Variants in CDC73 observed in about 807,000 individuals in gnomAD.
The protein encoded by CDC73 is cell division cycle 73.
A neutral mutation model predicts 83.7 loss-of-function variants in CDC73; 21 were observed. That is an observed-to-expected ratio of 0.25 (90% CI 0.18 to 0.36). CDC73 has a LOEUF of 0.36. CDC73 is among the 10% of genes least tolerant of loss of function. CDC73 has a pLI of 1.00. For synonymous variants in CDC73, 224 were observed against 212.9 expected (o/e 1.05, Z -0.45); for missense variants, 342 against 653.3 (o/e 0.52, Z 5.19).
intron 6 of CDC73, among the ~76,000 whole-genome samples, chr1:193,138,958 A>G (rs1013560611): frequency 6.6e-6 from 1 of 150,742 alleles, no homozygotes; most frequent in Admixed American, 6.6e-5. Flanking sequence ...TACTTTTAGT[A>G]GAGATGATGT....
At chr1:193,246,634 A>T (rs1425598898) in intron 15 of CDC73, among the ~76,000 whole-genome samples, 1 of 152,000 alleles carries the variant, frequency 6.6e-6, no homozygotes, top group Non-Finnish European at 1.5e-5. Flanking sequence ...TCTCTTCATC[A>T]TTTCTTACCA....
Position 193,251,388 on chromosome 1 carries a change from T to C in CDC73, c.*676T>C. On this transcript the variant is annotated 3_prime_UTR_variant, in exon 17 of 17. Transcript: ENST00000367435. ...GATGTGTTTCTATCTGTAATATCTT[T>C]CCATTTGAAAAAAATCTCAAAACAC... The C allele has an allele frequency of 8.6e-6, 2 of 232,074 alleles. No homozygotes were observed. The highest frequency in any genetic ancestry group is 1.7e-5 in the Non-Finnish European group (2 of 116,996). 14.4% of individuals were successfully genotyped at this position (232,074 alleles called of 1,614,324 possible).
intron 5 of CDC73, 29 bp downstream of exon 5, chr1:193,135,618 A>G (rs748367546): frequency 1.3e-6 from 2 of 1,508,538 alleles, no homozygotes; most frequent in Non-Finnish European, 9.1e-7. Context: ...AAACAATTTT[A>G]TTTATATTGT....
chr1:193,205,111 C>G (rs1677163590), intron 11 of CDC73, among the ~76,000 whole-genome samples: 1 of 129,554 alleles, frequency 7.7e-6, no homozygotes, highest in Non-Finnish European at 1.6e-5. Flanking sequence ...TATTTTTGGT[C>G]TTTTGGGTTT....
In CDC73 at chr1:193,203,265, A is replaced by T. The variant is rs531880311; in HGVS notation, c.973-530A>T. Among the ~76,000 whole-genome samples the T allele has an allele frequency of 1.9e-4, 29 of 152,232 alleles. 1 individual carries two copies. The South Asian group carries it at 5.8e-3, about 30-fold the overall frequency. On this transcript the variant is annotated intron_variant, in intron 10 of 16. Coordinates refer to ENST00000367435, the MANE Select transcript of CDC73 (RefSeq NM_024529.5). ...TTTTAAGATACTCTCATCTGCTCTT[A>T]ATTCAAATGTAACATCTCTTCTTTA...
rs544667235 is a variant in CDC73, at chr1:193,194,744, G to A, written c.973-9051G>A. Among the ~76,000 whole-genome samples the A allele has an allele frequency of 2.0e-4, 31 of 152,092 alleles. No homozygotes were observed. The South Asian group carries it at 6.0e-3, about 29-fold the overall frequency. On this transcript the variant is annotated intron_variant, in intron 10 of 16. Transcript: ENST00000367435. ...ATGTCATTTTTTAATCAGTAGGTAC[G>A]TAAATGAAAAAAGTTTTTCTAATAT...
At chr1:193,136,130 G>A (rs1366191295) in intron 5 of CDC73, among the ~76,000 whole-genome samples, 5 of 151,920 alleles carry the variant, frequency 3.3e-5, no homozygotes, top group South Asian at 2.1e-4. Context: ...AATATTTTAG[G>A]CCTTATGGGC....
intron 13 of CDC73, among the ~76,000 whole-genome samples, chr1:193,222,109 A>T (rs879472294): frequency 6.6e-6 from 1 of 152,226 alleles, no homozygotes; most frequent in Non-Finnish European, 1.5e-5. Context: ...GAAGTATTTT[A>T]AAAAATACAC....
At chr1:193,216,692 A>G (rs762279610) in intron 13 of CDC73, among the ~76,000 whole-genome samples, 1 of 152,162 alleles carries the variant, frequency 6.6e-6, no homozygotes, top group Non-Finnish European at 1.5e-5. Flanking sequence ...AGATGCAAAA[A>G]TCAACAAAGT....
chr1:193,175,506 A>G (rs1002329833), intron 10 of CDC73, among the ~76,000 whole-genome samples: 1 of 152,224 alleles, frequency 6.6e-6, no homozygotes. Flanking sequence ...TGGGTTCCAC[A>G]TCCGTAGATT....
At chr1:193,234,897 A>AT (rs1252502394) in intron 14 of CDC73, among the ~76,000 whole-genome samples, 3 of 7,934 alleles carry the variant, frequency 3.8e-4, no homozygotes, top group South Asian at 0.01. Flanking sequence ...AGTCTCAGAG[A>AT]TTTTTTTTAA....
chr1:193,183,449 T>TATA (rs1189163237), intron 10 of CDC73, among the ~76,000 whole-genome samples: 1 of 148,956 alleles, frequency 6.7e-6, no homozygotes, highest in Admixed American at 6.8e-5. Context: ...TTTGTTTATA[T>TATA]GAATTTAAAC....
chr1:193,230,610 C>G (rs1357808138), intron 13 of CDC73, among the ~76,000 whole-genome samples: 1 of 151,892 alleles, frequency 6.6e-6, no homozygotes, highest in African/African-American at 2.4e-5. Context: ...GCAGCCCAAG[C>G]CAGAAGAAAT....
chr1:193,151,268 A>G (rs781053275), intron 9 of CDC73, among the ~76,000 whole-genome samples: 2 of 152,218 alleles, frequency 1.3e-5, no homozygotes, highest in African/African-American at 4.8e-5. Context: ...CCTTGATGCA[A>G]TGAATTTTGT....
intron 14 of CDC73, among the ~76,000 whole-genome samples, chr1:193,235,683 A>G (rs1328155523): frequency 6.6e-6 from 1 of 152,190 alleles, no homozygotes; most frequent in East Asian, 1.9e-4. Flanking sequence ...ATTTAGGGTG[A>G]ATGAAACAGT....
chr1:193,254,239 G>A lies in CDC73; in HGVS notation c.*3527G>A, dbSNP rs1678095781. ...GGTTTGTCTGGTTAAAGTCCATATAGAATGCTGAGAAATAATTTATAAAAT... is the reference window on the plus strand; with the variant it reads ...GGTTTGTCTGGTTAAAGTCCATATAAAATGCTGAGAAATAATTTATAAAAT... On this transcript the variant is annotated 3_prime_UTR_variant, in exon 17 of 17. Transcript: ENST00000367435. Among the ~76,000 whole-genome samples the A allele has an allele frequency of 1.3e-5, 2 of 151,864 alleles. No homozygotes were observed. Among genetic ancestry groups the A allele is most frequent in the South Asian group, 2.1e-4 (1 of 4,820 alleles).
intron 7 of CDC73, among the ~76,000 whole-genome samples, chr1:193,146,701 A>C (rs1676006594): frequency 6.6e-6 from 1 of 152,244 alleles, no homozygotes; most frequent in Admixed American, 6.5e-5. Flanking sequence ...GTTTTAGAGG[A>C]GACATTCAAT....
chr1:193,219,441 CTT>C (rs1426619800), intron 13 of CDC73, among the ~76,000 whole-genome samples: 1 of 152,138 alleles, frequency 6.6e-6, no homozygotes. Context: ...CACATGCACT[CTT>C]TAAGTTCATT....
chr1:193,226,252 A>G (rs558564417), intron 13 of CDC73, among the ~76,000 whole-genome samples: 1 of 152,178 alleles, frequency 6.6e-6, no homozygotes, highest in African/African-American at 2.4e-5. Context: ...GGCTGTAAGT[A>G]TTTGGGTTTA....
Sources: allele counts gnomAD v4.1 joint callset (sites outside exome capture counted in the v4.1 genomes callset), GRCh38; gene constraint gnomAD v4.1.1; transcripts MANE v1.5; gene names NCBI Gene and HGNC (gene_info 2026-07-23, HGNC 2026-07-21).